DNAH14: variants seen among roughly 807,000 people sequenced by gnomAD.
DNAH14 encodes the protein dynein axonemal heavy chain 14, also known as axonemal beta dynein heavy chain 14.
Under a neutral mutation model 520.9 loss-of-function variants are expected in DNAH14, and 478 were observed. That is an observed-to-expected ratio of 0.92 (90% CI 0.85 to 0.99). The LOEUF is 0.99. Among genes scored for constraint, DNAH14 ranks in the 50% least tolerant of loss-of-function variants. The pLI, the probability that DNAH14 is intolerant of heterozygous loss-of-function variation, is 0.00. For synonymous variants in DNAH14, 1,581 were observed against 1,757.2 expected, an observed-to-expected ratio of 0.90 and a Z score of 2.51; for missense variants, 4,831 against 5,234.5, an observed-to-expected ratio of 0.92 and a Z score of 2.38.
At chr1:225,351,971 C>A in intron 72 of DNAH14, 88 bp downstream of exon 72, 2 of 1,072,886 alleles carry the variant, frequency 1.9e-6, no homozygotes, top group Admixed American at 5.7e-5. Context: ...CATTATCTTA[C>A]ATTATGAAAA....
intron 11 of DNAH14, among the ~76,000 whole-genome samples, chr1:225,025,468 A>C (rs927715167): frequency 1.3e-5 from 2 of 151,074 alleles, no homozygotes; most frequent in African/African-American, 4.9e-5. Context: ...ATGGTGGTTC[A>C]CACCTGTAAT....
chr1:225,270,706 G>C (rs534344740), intron 49 of DNAH14, 29 bp from the exon 50 acceptor site: 10 of 1,544,894 alleles, frequency 6.5e-6, no homozygotes, highest in Non-Finnish European at 8.7e-6. Context: ...GATACATTCA[G>C]TTACTCTTCC....
At chr1:225,388,003 G>A (rs1452438243) in intron 81 of DNAH14, among the ~76,000 whole-genome samples, 1 of 152,112 alleles carries the variant, frequency 6.6e-6, no homozygotes, top group Admixed American at 6.5e-5. Flanking sequence ...TAGACAGTGG[G>A]TGGCATTTAT....
Position 225,381,394 on chromosome 1 carries a change from C to A in DNAH14, c.12892C>A (p.Leu4298Ile), listed in dbSNP as rs2095781645. 1 of 1,546,414 alleles carries A rather than the reference C, an allele frequency of 6.5e-7. No homozygotes were observed. The stretch of plus-strand genomic sequence containing the variant: ...TTTTTAAAATCCAGATCACGACCCC[C>A]TTATCCATTGTGTCTTGCTAACCTT... ...LSKNLKDHDP[L>I]IHCVLLTFLK... Residue 4298 changes from leucine (L) to isoleucine (I), a missense_variant, in exon 81 of 86, where the codon CTT (leucine) becomes ATT (isoleucine). Physicochemically the swap from Leu to Ile is conservative, Grantham distance 5. Coordinates refer to ENST00000682510, the MANE Select transcript of DNAH14 (RefSeq NM_001367479.1).
At chr1:225,114,143 T>C (rs2076688240) in intron 23 of DNAH14, among the ~76,000 whole-genome samples, 1 of 152,154 alleles carries the variant, frequency 6.6e-6, no homozygotes, top group African/African-American at 2.4e-5. Flanking sequence ...CCATGGCATG[T>C]ACTACCTGGC....
intron 41 of DNAH14, among the ~76,000 whole-genome samples, chr1:225,225,529 C>A (rs775322059): frequency 2.0e-5 from 3 of 152,024 alleles, no homozygotes; most frequent in Non-Finnish European, 4.4e-5. Context: ...AAGGACAGGC[C>A]ATAGTAGAAC....
In DNAH14 at chr1:225,333,421, A is replaced by G; in HGVS notation, c.9995A>G (p.Asn3332Ser). 6.4e-7 allele frequency: 1 copy of G among 1,551,554 alleles called. No individual in the cohort carries two copies. The highest frequency in any genetic ancestry group is 2.4e-5 in the East Asian group (1 of 40,860). The change falls in exon 66 of 86, where the codon AAT becomes AGT. Residue 3332 changes from asparagine (N) to serine (S), a missense_variant. Physicochemically the swap from Asn to Ser is conservative, Grantham distance 46. Transcript: ENST00000682510. ...CCAGAATTTCGCCAGTTGATTGTGA[A>G]TAAATGGGAGACATTCTGCATTGAA... Reference protein sequence around the residue: ...LTPEFRQLIVNKWETFCIENG... With the variant: ...LTPEFRQLIVSKWETFCIENG...
intron 17 of DNAH14, among the ~76,000 whole-genome samples, chr1:225,067,542 G>A (rs560681914): frequency 2.6e-5 from 4 of 151,984 alleles, no homozygotes; most frequent in African/African-American, 2.4e-5. Context: ...GAATCGCCAC[G>A]CTGTCTTCTA....
chr1:225,132,489 A>T (rs1238173227), intron 27 of DNAH14, among the ~76,000 whole-genome samples: 1 of 151,806 alleles, frequency 6.6e-6, no homozygotes, highest in African/African-American at 2.4e-5. Context: ...CTGTTCCTGC[A>T]TTAGTTTGCT....
chr1:225,390,080 C>T (rs2095887187), intron 83 of DNAH14, among the ~76,000 whole-genome samples: 1 of 152,114 alleles, frequency 6.6e-6, no homozygotes, highest in African/African-American at 2.4e-5. Flanking sequence ...CATGCCAAAT[C>T]CACCCACCCC....
chr1:225,003,208 A>T (rs1050333781), intron 9 of DNAH14, among the ~76,000 whole-genome samples: 7 of 152,030 alleles, frequency 4.6e-5, no homozygotes, highest in African/African-American at 1.7e-4. Flanking sequence ...ATAATCAGTT[A>T]TCTCTTATAC....
intron 27 of DNAH14, among the ~76,000 whole-genome samples, chr1:225,133,266 A>G (rs2078619596): frequency 6.6e-6 from 1 of 151,946 alleles, no homozygotes; most frequent in African/African-American, 2.4e-5. Flanking sequence ...TTTTGTTGCA[A>G]TTGCTTTTGG....
intron 38 of DNAH14, among the ~76,000 whole-genome samples, chr1:225,198,055 T>C (rs1457755604): frequency 6.6e-6 from 1 of 152,158 alleles, no homozygotes; most frequent in African/African-American, 2.4e-5. Flanking sequence ...TTGCTCTGGC[T>C]AGGATTTCCA....
intron 5 of DNAH14, among the ~76,000 whole-genome samples, chr1:224,966,885 G>A (rs2061203271): frequency 6.6e-6 from 1 of 152,022 alleles, no homozygotes; most frequent in African/African-American, 2.4e-5. Context: ...GTTTAATGAA[G>A]TTGAAAATAT....
chr1:225,006,524 G>C (rs1219192395), intron 9 of DNAH14, among the ~76,000 whole-genome samples: 1 of 136,940 alleles, frequency 7.3e-6, no homozygotes, highest in East Asian at 2.1e-4. Flanking sequence ...TGGCCACTCT[G>C]GAAGTGTCTG....
rs148160307 is a variant in DNAH14, at chr1:225,304,013, GA to G, written c.8823+675del. On this transcript the variant is annotated intron_variant, in intron 57 of 85. Coordinates refer to ENST00000682510, the MANE Select transcript of DNAH14 (RefSeq NM_001367479.1). ...GGACAGAGACAGAGTAGAACCAGAA[GA>G]AAAAAAAATGCCGCTGAGTTAAAAG... Among the ~76,000 whole-genome samples the G allele has an allele frequency of 8.6e-5, 13 of 151,080 alleles. No homozygotes were observed. In the East Asian group the frequency reaches 2.0e-3, roughly 23 times the overall value.
At chr1:225,255,687 T>C (rs2092707609) in intron 44 of DNAH14, among the ~76,000 whole-genome samples, 1 of 152,160 alleles carries the variant, frequency 6.6e-6, no homozygotes, top group Non-Finnish European at 1.5e-5. Flanking sequence ...TTCCTACAAA[T>C]AATATTTTCA....
chr1:225,299,259 C>T (rs949424082), intron 55 of DNAH14, among the ~76,000 whole-genome samples: 1 of 152,160 alleles, frequency 6.6e-6, no homozygotes, highest in Non-Finnish European at 1.5e-5. Context: ...AGGAATGCCA[C>T]CTCAGATTGT....
At chr1:225,285,105 C>T (rs2093708188) in intron 54 of DNAH14, among the ~76,000 whole-genome samples, 1 of 152,202 alleles carries the variant, frequency 6.6e-6, no homozygotes, top group African/African-American at 2.4e-5. Context: ...TTCTATTCAA[C>T]ACTATACTAG....
Sources: gnomAD v4.1 joint callset for allele counts (sites outside exome capture counted in the v4.1 genomes callset) on GRCh38, gnomAD v4.1.1 for gene constraint, MANE v1.5 for transcripts, NCBI Gene and HGNC (gene_info 2026-07-23, HGNC 2026-07-21) for gene names.